The following ZNF79 variants were observed in gnomAD, a reference collection of about 807,000 sequenced individuals.
The protein encoded by ZNF79 is zinc finger protein 79.
ZNF79 carries 13 observed loss-of-function variants against 14.9 expected under a neutral mutation model. The observed-to-expected ratio is 0.87, with a 90% CI of 0.57 to 1.38. The LOEUF (loss-of-function observed/expected upper bound fraction) is 1.38, where lower values mean the gene tolerates loss of function less well. Ranked by LOEUF, ZNF79 falls within the 40% of genes most tolerant of loss-of-function variation. The pLI is 0.00. For missense variants in ZNF79, 631 were observed against 630.6 expected, an observed-to-expected ratio of 1.00 and a Z score of -0.01; for synonymous variants, 223 against 235.1, an observed-to-expected ratio of 0.95 and a Z score of 0.47.
At position 127,437,305 on chromosome 9, in the gene ZNF79, GC is replaced by G. The variant is rs1245736205; in HGVS notation, c.328+1304del. ...TTGTTGACACTGCCTGTGGCAGGGAGCCTCCCTGGCCCTGCTGCTTCCTTCT... is the reference window on the plus strand; with the variant it reads ...TTGTTGACACTGCCTGTGGCAGGGAGCTCCCTGGCCCTGCTGCTTCCTTCT... On this transcript the variant is annotated intron_variant, in intron 4 of 4. Coordinates refer to ENST00000342483, the MANE Select transcript of ZNF79 (RefSeq NM_007135.3). 2.0e-5 allele frequency among the ~76,000 whole-genome samples: 3 copies of G among 150,216 alleles called. No homozygotes were observed. In the East Asian group the frequency reaches 5.9e-4, roughly 29 times the overall value.
intron 2 of ZNF79, among the ~76,000 whole-genome samples, chr9:127,433,293 T>C (rs1248006363): frequency 1.3e-5 from 2 of 152,136 alleles, no homozygotes; most frequent in East Asian, 1.9e-4. Flanking sequence ...TCAATGGGGA[T>C]TGATGCTGCG....
chr9:127,425,834 C>G (rs919108469), intron 1 of ZNF79, among the ~76,000 whole-genome samples: 5 of 152,350 alleles, frequency 3.3e-5, no homozygotes, highest in Admixed American at 1.3e-4. Context: ...CTCAAGTGAT[C>G]CACTGGCTTC....
At chr9:127,435,836 T>C (rs2131953381) in intron 3 of ZNF79, 72 bp from the exon 4 acceptor site, 1 of 1,248,654 alleles carries the variant, frequency 8.0e-7, no homozygotes, top group East Asian at 2.3e-5. Flanking sequence ...GCCTACTTGC[T>C]CTCTCCTGAG....
At chr9:127,437,352 C>T (rs1425553745) in intron 4 of ZNF79, among the ~76,000 whole-genome samples, 1 of 147,878 alleles carries the variant, frequency 6.8e-6, no homozygotes. Flanking sequence ...CCCCCCGCTG[C>T]CTGGGCATCT....
Position 127,444,126 on chromosome 9 carries a change from CG to C in ZNF79, c.429del (p.Thr144ProfsTer10), listed in dbSNP as rs1472649050. The C allele has an allele frequency of 6.2e-7, 1 of 1,613,230 alleles. No homozygotes were observed. Among genetic ancestry groups the C allele is most frequent in the African/African-American group, 1.3e-5 (1 of 74,854 alleles). Reference sequence around the variant, plus strand: ...AGATGCCCCCTGGGGATTCAGACCACGGGACCAGTGACCTTGAGAAGAGCTT... The same window carrying C: ...AGATGCCCCCTGGGGATTCAGACCACGGACCAGTGACCTTGAGAAGAGCTT... ...VEMPPGDSDH[G>X]TSDLEKSFNL... On this transcript the variant is annotated frameshift_variant, in exon 5 of 5. Transcript: ENST00000342483. LOFTEE classifies it low-confidence loss of function (END_TRUNC).
intron 2 of ZNF79, among the ~76,000 whole-genome samples, chr9:127,433,612 C>G (rs746386608): frequency 6.6e-6 from 1 of 152,180 alleles, no homozygotes; most frequent in African/African-American, 2.4e-5. Flanking sequence ...CTTTAGCTGA[C>G]CTGTGTGCCT....
At chr9:127,443,997 G>C (rs1834099312) in intron 4 of ZNF79, 32 bp from the exon 5 acceptor site, 2 of 1,534,360 alleles carry the variant, frequency 1.3e-6, no homozygotes, top group East Asian at 4.5e-5. Context: ...CTTCCACCAA[G>C]GGAACACAAC....
chr9:127,429,171 A>T (rs993221090), intron 2 of ZNF79, among the ~76,000 whole-genome samples: 3 of 151,610 alleles, frequency 2.0e-5, no homozygotes, highest in Admixed American at 6.6e-5. Flanking sequence ...GCATCACCAC[A>T]CCCAGCTAAT....
chr9:127,438,147 C>A (rs1363304491), intron 4 of ZNF79, among the ~76,000 whole-genome samples: 1 of 152,000 alleles, frequency 6.6e-6, no homozygotes, highest in Admixed American at 6.6e-5. Context: ...AGGTTTTCCC[C>A]CACACACCAA....
Position 127,425,826 on chromosome 9 carries a change from C to G in ZNF79, c.16+1023C>G, listed in dbSNP as rs146618905. ...CAAGCTGGCCTCAAACTCCTGACCT[C>G]AAGTGATCCACTGGCTTCGGCATCC... On this transcript the variant is annotated intron_variant, in intron 1 of 4. Coordinates refer to ENST00000342483, the MANE Select transcript of ZNF79 (RefSeq NM_007135.3). Among the ~76,000 whole-genome samples the G allele has an allele frequency of 7.9e-5, 12 of 152,382 alleles. No homozygotes were observed. In the South Asian group the frequency reaches 1.2e-3, roughly 16 times the overall value.
At chr9:127,432,034 CTATT>C (rs1476049380) in intron 2 of ZNF79, among the ~76,000 whole-genome samples, 6 of 151,880 alleles carry the variant, frequency 4.0e-5, no homozygotes, top group Non-Finnish European at 7.4e-5. Context: ...AGGTAATTAG[CTATT>C]TATTTTCATT....
In ZNF79 at chr9:127,444,149, G is replaced by A; in HGVS notation, c.449G>A (p.Ser150Asn). The change falls in exon 5 of 5, where the codon AGC becomes AAC. Residue 150 changes from serine to asparagine, a missense_variant. Ser to Asn is a conservative substitution (Grantham distance 46, BLOSUM62 1). Coordinates refer to ENST00000342483, the MANE Select transcript of ZNF79 (RefSeq NM_007135.3). ...CACGGGACCAGTGACCTTGAGAAGA[G>A]CTTCAATCTGAGACCAGTCCTCTCT... ...SDHGTSDLEK[S>N]FNLRPVLSPQ... 6.2e-7 allele frequency: 1 copy of A among 1,613,782 alleles called. No homozygotes were observed. Among genetic ancestry groups the A allele is most frequent in the Non-Finnish European group, 8.5e-7 (1 of 1,180,024 alleles).
chr9:127,441,906 C>G (rs1834054733), intron 4 of ZNF79, among the ~76,000 whole-genome samples: 1 of 144,894 alleles, frequency 6.9e-6, no homozygotes, highest in Non-Finnish European at 1.5e-5. Context: ...GATTGTGCCA[C>G]TGCACTCCAG....
At chr9:127,429,888 C>G (rs1006346104) in intron 2 of ZNF79, among the ~76,000 whole-genome samples, 3 of 150,894 alleles carry the variant, frequency 2.0e-5, no homozygotes, top group African/African-American at 7.3e-5. Context: ...ACAATCTAGG[C>G]TCACTGCAAC....
At chr9:127,438,624 CG>C (rs1432329750) in intron 4 of ZNF79, among the ~76,000 whole-genome samples, 2 of 152,142 alleles carry the variant, frequency 1.3e-5, no homozygotes, top group East Asian at 3.9e-4. Context: ...AGAGCCTGTC[CG>C]TGCGGATTCT....
chr9:127,437,353 C>G (rs1005054958), intron 4 of ZNF79, among the ~76,000 whole-genome samples: 2 of 151,614 alleles, frequency 1.3e-5, no homozygotes, highest in Non-Finnish European at 2.9e-5. Context: ...CCCCCGCTGC[C>G]TGGGCATCTC....
Position 127,444,417 on chromosome 9 carries a change from C to G in ZNF79, c.717C>G (p.His239Gln), listed in dbSNP as rs779019475. 4 of 1,611,718 alleles carry G rather than the reference C, an allele frequency of 2.5e-6. 1 individual carries two copies. The South Asian group carries it at 4.4e-5, about 18-fold the overall frequency. The change falls in exon 5 of 5, where the codon CAC (histidine) becomes CAG (glutamine). Residue 239 changes from histidine to glutamine, a missense_variant. Transcript: ENST00000342483. The stretch of plus-strand genomic sequence containing the variant: ...GCCAGAGCTCATCTCTCATTCAGCA[C>G]CAGAGGATTCACACTGGAGAGAAGC... Reference protein sequence around the residue: ...AFSQSSSLIQHQRIHTGEKPY... With the variant: ...AFSQSSSLIQQQRIHTGEKPY...
intron 4 of ZNF79, among the ~76,000 whole-genome samples, chr9:127,442,089 C>T (rs1834058998): frequency 6.6e-6 from 1 of 151,852 alleles, no homozygotes; most frequent in Non-Finnish European, 1.5e-5. Context: ...TGCACTCCAG[C>T]CTGGGCAGCA....
chr9:127,427,943 CCT>C (rs1833790494), intron 1 of ZNF79, among the ~76,000 whole-genome samples: 1 of 152,164 alleles, frequency 6.6e-6, no homozygotes, highest in Admixed American at 6.5e-5. Context: ...CCTAATCCAA[CCT>C]CTCAAAGATG....
Sources: allele counts gnomAD v4.1 joint callset (sites outside exome capture counted in the v4.1 genomes callset), GRCh38; gene constraint gnomAD v4.1.1; transcripts MANE v1.5; gene names NCBI Gene and HGNC (gene_info 2026-07-23, HGNC 2026-07-21).